The following CNNM2 variants were observed in gnomAD, a reference collection of about 807,000 sequenced individuals.
The protein encoded by CNNM2 is cyclin and CBS domain divalent metal cation transport mediator 2.
In CNNM2, 12 loss-of-function variants were observed where a neutral mutation model predicts 66.9. That is an observed-to-expected ratio of 0.18 (90% confidence interval 0.11 to 0.29). The LOEUF (loss-of-function observed/expected upper bound fraction) is 0.29. Ranked by LOEUF, CNNM2 falls within the 10% of genes least tolerant of loss-of-function variation. The pLI is 1.00. For synonymous variants in CNNM2, 557 were observed against 501.8 expected (o/e 1.11, Z -1.47); for missense variants, 705 against 1,167.7 (o/e 0.60, Z 5.77).
chr10:102,919,329 C>T lies in CNNM2; in HGVS notation c.849C>T (p.Asp283=), dbSNP rs755020801. Residue 283 remains aspartate (D), a synonymous_variant, in exon 1 of 8, where the codon GAC becomes GAT. Transcript: ENST00000369878. The stretch of plus-strand genomic sequence containing the variant: ...TCAACCTGGGGCTCATGGCCCTGGA[C>T]CCGATGGAGCTGCGCATCGTGCAGA... ...SGLNLGLMAL[D]PMELRIVQNC... 10 of 1,613,658 alleles carry T rather than the reference C, an allele frequency of 6.2e-6. No individual in the cohort carries two copies. The highest frequency in any genetic ancestry group is 7.6e-6 in the Non-Finnish European group (9 of 1,180,038).
At chr10:103,068,848 A>G in intron 5 of CNNM2, 126 bp downstream of exon 5, 1 of 678,228 alleles carries the variant, frequency 1.5e-6, no homozygotes, top group East Asian at 2.7e-5. Context: ...TTTTTTTTTG[A>G]AGTATATCAT....
At chr10:103,058,624 A>G (rs1230726036) in intron 4 of CNNM2, among the ~76,000 whole-genome samples, 2 of 152,210 alleles carry the variant, frequency 1.3e-5, no homozygotes, top group Non-Finnish European at 2.9e-5. Context: ...ATCTATGTAT[A>G]TTTACCTGTA....
rs927159025 is a variant in CNNM2, at chr10:103,082,588, G to C, written c.*5408G>C. 6.6e-6 allele frequency: 1 copy of C among 152,128 alleles called. No individual in the cohort carries two copies. Among genetic ancestry groups the C allele is most frequent in the Non-Finnish European group, 1.5e-5 (1 of 68,044 alleles). 9.4% of individuals were successfully genotyped at this position (152,128 alleles called of 1,614,324 possible). ...CTGTTAGTACTTCGTCTGTGACTAGGACAAGGTCTGTCTTGAAGCTTCCTC... is the reference window on the plus strand; with the variant it reads ...CTGTTAGTACTTCGTCTGTGACTAGCACAAGGTCTGTCTTGAAGCTTCCTC... On this transcript the variant is annotated 3_prime_UTR_variant, in exon 8 of 8. Transcript: ENST00000369878.
intron 4 of CNNM2, among the ~76,000 whole-genome samples, chr10:103,066,026 C>G (rs958770297): frequency 1.3e-5 from 2 of 152,142 alleles, no homozygotes; most frequent in Non-Finnish European, 2.9e-5. Flanking sequence ...CCCACTGATT[C>G]CTCTGTAGGG....
At chr10:102,986,549 G>A (rs1483626379) in intron 1 of CNNM2, among the ~76,000 whole-genome samples, 2 of 152,014 alleles carry the variant, frequency 1.3e-5, no homozygotes, top group African/African-American at 4.8e-5. Context: ...TTGGGAGGCC[G>A]AGGTGGGCGG....
intron 7 of CNNM2, among the ~76,000 whole-genome samples, chr10:103,076,478 C>A (rs572823374): frequency 6.6e-6 from 1 of 152,318 alleles, no homozygotes; most frequent in South Asian, 2.1e-4. Flanking sequence ...TTGGTTCTAT[C>A]CAATGAGCTG....
At chr10:102,974,182 G>A (rs1288634438) in intron 1 of CNNM2, among the ~76,000 whole-genome samples, 3 of 152,220 alleles carry the variant, frequency 2.0e-5, no homozygotes, top group Non-Finnish European at 2.9e-5. Context: ...TGTGTGGGGT[G>A]TAGTATGTGT....
chr10:102,983,676 A>T (rs2063752278), intron 1 of CNNM2, among the ~76,000 whole-genome samples: 1 of 151,906 alleles, frequency 6.6e-6, no homozygotes, highest in Admixed American at 6.6e-5. Flanking sequence ...CTTGGGCTCA[A>T]GTGCTCCTCC....
intron 4 of CNNM2, among the ~76,000 whole-genome samples, chr10:103,067,395 CT>C (rs1564869217): frequency 6.6e-6 from 1 of 152,112 alleles, no homozygotes; most frequent in Admixed American, 6.5e-5. Flanking sequence ...AGAGCTTGTT[CT>C]TTACTAAATC....
At chr10:103,025,003 A>T (rs184720025) in intron 1 of CNNM2, among the ~76,000 whole-genome samples, 1 of 152,220 alleles carries the variant, frequency 6.6e-6, no homozygotes, top group African/African-American at 2.4e-5. Context: ...TAGGTGGTAC[A>T]TATGGTCTGG....
intron 1 of CNNM2, among the ~76,000 whole-genome samples, chr10:102,997,252 TGAG>T (rs1187512401): frequency 2.6e-5 from 4 of 152,214 alleles, no homozygotes; most frequent in Admixed American, 1.3e-4. Flanking sequence ...GTCTTAATAA[TGAG>T]GAGGCCAGTT....
intron 6 of CNNM2, among the ~76,000 whole-genome samples, chr10:103,072,329 G>A (rs936496444): frequency 3.9e-5 from 6 of 152,314 alleles, no homozygotes; most frequent in South Asian, 2.1e-4. Flanking sequence ...CCACACAGGC[G>A]CACGACATTC....
chr10:102,999,712 A>G (rs1265134018), intron 1 of CNNM2, among the ~76,000 whole-genome samples: 1 of 152,164 alleles, frequency 6.6e-6, no homozygotes, highest in African/African-American at 2.4e-5. Context: ...TGGAAATTCA[A>G]GGGACACAGA....
intron 1 of CNNM2, among the ~76,000 whole-genome samples, chr10:103,022,978 C>T (rs1382418189): frequency 6.6e-6 from 1 of 152,120 alleles, no homozygotes; most frequent in African/African-American, 2.4e-5. Flanking sequence ...TTTCAGTTCA[C>T]TGCAGCATTG....
intron 1 of CNNM2, among the ~76,000 whole-genome samples, chr10:102,979,680 TTGAG>T (rs1379444277): frequency 1.3e-5 from 2 of 152,148 alleles, no homozygotes; most frequent in East Asian, 1.9e-4. Context: ...CAATAAATAG[TTGAG>T]TGAGTAAATG....
intron 1 of CNNM2, among the ~76,000 whole-genome samples, chr10:102,955,920 G>T (rs187077198): frequency 1.9e-4 from 29 of 152,328 alleles, no homozygotes; most frequent in African/African-American, 6.7e-4. Context: ...ACTTTGGGAG[G>T]CTGGGGCAGG....
intron 1 of CNNM2, among the ~76,000 whole-genome samples, chr10:103,030,672 C>T (rs2064805795): frequency 6.6e-6 from 1 of 152,180 alleles, no homozygotes; most frequent in Non-Finnish European, 1.5e-5. Context: ...CATGCCACTG[C>T]ACTCCAGCCT....
Position 102,926,192 on chromosome 10 carries a change from C to T in CNNM2, c.1621+6091C>T, listed in dbSNP as rs569052676. 5.9e-5 allele frequency among the ~76,000 whole-genome samples: 9 copies of T among 152,250 alleles called. No homozygotes were observed. In the South Asian group the frequency reaches 1.7e-3, roughly 28 times the overall value. On this transcript the variant is annotated intron_variant, in intron 1 of 7. Transcript: ENST00000369878. The stretch of plus-strand genomic sequence containing the variant: ...TGTGTACCCTCTGTACCACACACCT[C>T]CCAAGTTTTAACAAATAATATAAGT...
At chr10:102,927,486 G>T (rs565514887) in intron 1 of CNNM2, 11 of 1,582,376 alleles carry the variant, frequency 7.0e-6, no homozygotes, top group Non-Finnish European at 1.7e-6. Flanking sequence ...TTGGCTGGGC[G>T]TGGTGGCTCA....
Sources: allele counts gnomAD v4.1 joint callset (sites outside exome capture counted in the v4.1 genomes callset), GRCh38; gene constraint gnomAD v4.1.1; transcripts MANE v1.5; gene names NCBI Gene and HGNC (gene_info 2026-07-23, HGNC 2026-07-21).